Variants in NIN observed in about 807,000 individuals in gnomAD.
The protein encoded by NIN is ninein.
In NIN, 137 loss-of-function variants were observed where a neutral mutation model predicts 257.6. The observed-to-expected ratio is 0.53, with a 90% CI of 0.46 to 0.61. NIN has a LOEUF of 0.61. Ranked by LOEUF, NIN falls within the 20% of genes least tolerant of loss-of-function variation. NIN has a pLI of 0.00. For missense variants in NIN, 2,439 were observed against 2,501.2 expected, an observed-to-expected ratio of 0.98 and a Z score of 0.53; for synonymous variants, 918 against 919.8, an observed-to-expected ratio of 1.00 and a Z score of 0.04.
intron 2 of NIN, among the ~76,000 whole-genome samples, chr14:50,827,865 C>A (rs1314281962): frequency 6.6e-6 from 1 of 151,086 alleles, no homozygotes; most frequent in Non-Finnish European, 1.5e-5. Flanking sequence ...ATGTAAGCAA[C>A]CTTTATTATT....
chr14:50,811,671 G>C (rs76943219), intron 3 of NIN, among the ~76,000 whole-genome samples: 22,674 of 149,728 alleles, frequency 0.15, 2,010 homozygotes, highest in East Asian at 0.35. Context: ...AGGCCAAAGC[G>C]GGCTGATTGC....
chr14:50,750,379 C>A (rs1344629637), intron 21 of NIN, among the ~76,000 whole-genome samples: 1 of 152,166 alleles, frequency 6.6e-6, no homozygotes, highest in African/African-American at 2.4e-5. Flanking sequence ...CATCAGAGGG[C>A]TCATCTTAGC....
intron 16 of NIN, 27 bp from the exon 17 acceptor site, chr14:50,760,386 A>C (rs1055946010): frequency 1.5e-5 from 23 of 1,583,442 alleles, no homozygotes; most frequent in Non-Finnish European, 1.5e-5. Context: ...ACACCACCAC[A>C]AGATTACTCA....
intron 28 of NIN, among the ~76,000 whole-genome samples, chr14:50,731,355 C>A (rs567931769): frequency 9.2e-5 from 14 of 151,710 alleles, no homozygotes; most frequent in Non-Finnish European, 4.4e-5. Flanking sequence ...CGTGGTGAAA[C>A]CCCGTCTCTA....
At chr14:50,784,196 C>A (rs1050684444) in intron 5 of NIN, among the ~76,000 whole-genome samples, 3 of 152,204 alleles carry the variant, frequency 2.0e-5, no homozygotes, top group Admixed American at 1.3e-4. Context: ...CCCCTCAGTA[C>A]CTTACAACGT....
In NIN at chr14:50,720,310, C is replaced by T. The variant is rs933638542; in HGVS notation, c.*3153G>A. On this transcript the variant is annotated 3_prime_UTR_variant, in exon 31 of 31. Coordinates refer to ENST00000530997, the MANE Select transcript of NIN (RefSeq NM_020921.4). ...CACAAAGCACTTAGCCTTGCCTTGACTGGAAATACCTTTAAGATGCTGACA... is the reference window on the plus strand; with the variant it reads ...CACAAAGCACTTAGCCTTGCCTTGATTGGAAATACCTTTAAGATGCTGACA... 1 of 220,414 alleles carries T rather than the reference C, an allele frequency of 4.5e-6. No homozygotes were observed. Among genetic ancestry groups the T allele is most frequent in the African/African-American group, 2.2e-5 (1 of 44,626 alleles). The allele number at this position is 220,414 out of a possible 1,614,324, so 13.7% of individuals were successfully genotyped here.
chr14:50,725,333 C>T (rs983067202), intron 30 of NIN, among the ~76,000 whole-genome samples: 1 of 152,024 alleles, frequency 6.6e-6, no homozygotes, highest in Non-Finnish European at 1.5e-5. Context: ...GGATGCGCAA[C>T]TAATTTCTAA....
At chr14:50,753,565 A>T (rs10129167) in intron 20 of NIN, among the ~76,000 whole-genome samples, 29,080 of 152,156 alleles carry the variant, frequency 0.19, 3,444 homozygotes, top group African/African-American at 0.34. Context: ...TTTTAAATGG[A>T]TCTTTTAGAA....
chr14:50,749,596 C>G (rs2041700862), intron 21 of NIN, among the ~76,000 whole-genome samples: 1 of 152,118 alleles, frequency 6.6e-6, no homozygotes, highest in Non-Finnish European at 1.5e-5. Flanking sequence ...TGATGATTTT[C>G]TATTTTCTTC....
At chr14:50,769,560 C>T (rs1595826263) in intron 12 of NIN, among the ~76,000 whole-genome samples, 1 of 152,024 alleles carries the variant, frequency 6.6e-6, no homozygotes, top group African/African-American at 2.4e-5. Context: ...TCCAGTGGCA[C>T]AATCTCTGCT....
In NIN at chr14:50,766,410, A is replaced by G; in HGVS notation, c.1546-14T>C. 1 of 1,612,866 alleles carries G rather than the reference A, an allele frequency of 6.2e-7. No homozygotes were observed. The highest frequency in any genetic ancestry group is 8.5e-7 in the Non-Finnish European group (1 of 1,178,862). ...GAGGTCACCAAACTAGAAGGGGAAA[A>G]GGGCAAAGCTGTCATTTTTCCCGAG... On this transcript the variant is annotated splice_polypyrimidine_tract_variant and intron_variant, in intron 13 of 30. Coordinates refer to ENST00000530997, the MANE Select transcript of NIN (RefSeq NM_020921.4).
intron 5 of NIN, among the ~76,000 whole-genome samples, chr14:50,790,892 A>G (rs1040420239): frequency 1.3e-5 from 2 of 152,224 alleles, no homozygotes; most frequent in Admixed American, 6.5e-5. Flanking sequence ...ATAACATATA[A>G]CAAGGATATA....
chr14:50,792,182 T>C (rs2043625613), intron 5 of NIN: 1 of 152,610 alleles, frequency 6.6e-6, no homozygotes, highest in Non-Finnish European at 1.5e-5. Context: ...GAAAGAACCA[T>C]GGCAACTGCT....
At chr14:50,799,343 C>T (rs1432760987) in intron 4 of NIN, among the ~76,000 whole-genome samples, 3 of 152,152 alleles carry the variant, frequency 2.0e-5, no homozygotes, top group Admixed American at 1.3e-4. Context: ...GTCCTTCCAC[C>T]GGGACTCCTG....
intron 6 of NIN, 44 bp downstream of exon 6, chr14:50,778,721 C>G (rs142814973): frequency 1.3e-6 from 2 of 1,586,626 alleles, no homozygotes; most frequent in African/African-American, 2.7e-5. Context: ...GAGCACCCGG[C>G]GGCCCTTCCC....
intron 15 of NIN, among the ~76,000 whole-genome samples, chr14:50,762,187 C>T (rs545144288): frequency 1.3e-4 from 20 of 152,172 alleles, no homozygotes; most frequent in Non-Finnish European, 2.2e-4. Context: ...GGTGGTGGGG[C>T]GGCGGGGGTG....
In NIN at chr14:50,752,532, G is replaced by A. The variant is rs542083472; in HGVS notation, c.4936C>T (p.Arg1646Cys). ...EKFNLKEELE[R>C]CKVQSSTLVS... ...ACAGGCCATACCTGCACTTTACAAC[G>A]TTCCAGTTCTTCTTTCAGATTAAAC... Residue 1646 changes from arginine to cysteine, a missense_variant, in exon 21 of 31, where the codon CGT (arginine) becomes TGT (cysteine). Arg to Cys is a radical substitution (Grantham distance 180). This residue lies in a region of NIN where 2,043 missense variants were observed against 2,050.2 expected (regional missense o/e 1.00). Coordinates refer to ENST00000530997, the MANE Select transcript of NIN (RefSeq NM_020921.4). 1.8e-5 allele frequency: 29 copies of A among 1,613,226 alleles called. No individual in the cohort carries two copies. The highest frequency in any genetic ancestry group is 2.7e-5 in the African/African-American group (2 of 74,888).
intron 26 of NIN, among the ~76,000 whole-genome samples, 193 bp downstream of exon 26, chr14:50,739,114 TA>T (rs2041147550): frequency 6.6e-6 from 1 of 152,206 alleles, no homozygotes; most frequent in Admixed American, 6.5e-5. Context: ...AAACTGCTTA[TA>T]AAAATATTTT....
intron 5 of NIN, among the ~76,000 whole-genome samples, chr14:50,788,557 G>A (rs1247573794): frequency 1.3e-5 from 2 of 152,172 alleles, no homozygotes; most frequent in Admixed American, 1.3e-4. Context: ...TCCAAATAAG[G>A]ATGCAGAGAA....
Sources: gnomAD v4.1 joint callset for allele counts (sites outside exome capture counted in the v4.1 genomes callset) on GRCh38, gnomAD v4.1.1 for gene constraint, gnomAD v4.1.1 regional missense constraint, MANE v1.5 for transcripts, NCBI Gene and HGNC (gene_info 2026-07-23, HGNC 2026-07-21) for gene names.